The following RAB7A variants were observed in gnomAD, a reference collection of about 807,000 sequenced individuals.
RAB7A encodes the protein RAB7A, member RAS oncogene family.
RAB7A carries 2 observed loss-of-function variants against 24.5 expected under a neutral mutation model. The observed-to-expected ratio is 0.08, with a 90% CI of 0.03 to 0.26. The LOEUF is 0.26. Among genes scored for constraint, RAB7A ranks in the 10% least tolerant of loss-of-function variants. The pLI, the probability that RAB7A is intolerant of heterozygous loss-of-function variation, is 1.00. For missense variants in RAB7A, 118 were observed against 255.7 expected (o/e 0.46, Z 3.67); for synonymous variants, 100 against 95.9 (o/e 1.04, Z -0.25).
At chr3:128,764,568 A>T (rs2070809499) in intron 1 of RAB7A, 4 of 1,377,836 alleles carry the variant, frequency 2.9e-6, no homozygotes, top group Non-Finnish European at 4.1e-6. Flanking sequence ...TCACGTGGTC[A>T]CCCAATTCTT....
chr3:128,737,830 T>G (rs1367593906), intron 1 of RAB7A, among the ~76,000 whole-genome samples: 5 of 69,922 alleles, frequency 7.2e-5, no homozygotes, highest in African/African-American at 3.2e-4. Flanking sequence ...TTGTAGTTTT[T>G]TTTTTTTTTT....
At chr3:128,779,252 A>G (rs1003036490) in intron 1 of RAB7A, among the ~76,000 whole-genome samples, 3 of 152,084 alleles carry the variant, frequency 2.0e-5, no homozygotes, top group Non-Finnish European at 4.4e-5. Context: ...CGTCTCTACT[A>G]AAAATACAAA....
chr3:128,732,545 G>A (rs1461266951), intron 1 of RAB7A, among the ~76,000 whole-genome samples: 1 of 152,100 alleles, frequency 6.6e-6, no homozygotes. Context: ...TCTTGGCCAG[G>A]CATGGTGGTC....
chr3:128,729,748 A>G (rs564857616), intron 1 of RAB7A, among the ~76,000 whole-genome samples: 8 of 152,150 alleles, frequency 5.3e-5, no homozygotes, highest in Admixed American at 6.5e-5. Context: ...TTCCTATGAT[A>G]AAGTATTTAT....
intron 1 of RAB7A, among the ~76,000 whole-genome samples, chr3:128,778,828 T>C (rs1933151323): frequency 6.6e-6 from 1 of 152,162 alleles, no homozygotes; most frequent in African/African-American, 2.4e-5. Context: ...ACCAGAGATG[T>C]ACAGTTTTGG....
chr3:128,728,810 T>C (rs2070406049), intron 1 of RAB7A, among the ~76,000 whole-genome samples: 1 of 152,202 alleles, frequency 6.6e-6, no homozygotes, highest in African/African-American at 2.4e-5. Context: ...TCCATGTCAC[T>C]ACTGTAATTA....
chr3:128,765,126 C>T (rs546064890), intron 1 of RAB7A: 15 of 720,086 alleles, frequency 2.1e-5, no homozygotes, highest in East Asian at 5.4e-5. Flanking sequence ...GGGCTGGCTA[C>T]GGGCGGCCGG....
At chr3:128,730,603 C>T (rs1484992030) in intron 1 of RAB7A, among the ~76,000 whole-genome samples, 3 of 152,078 alleles carry the variant, frequency 2.0e-5, no homozygotes, top group Non-Finnish European at 4.4e-5. Context: ...AGTGATGTGG[C>T]GAGTGAAATC....
intron 1 of RAB7A, among the ~76,000 whole-genome samples, chr3:128,734,775 A>T (rs753543165): frequency 3.9e-5 from 6 of 152,178 alleles, no homozygotes; most frequent in Non-Finnish European, 7.3e-5. Context: ...TGGGCCTTTC[A>T]CCACCAGCCT....
chr3:128,812,037 G>GT (rs1160354042), intron 5 of RAB7A, among the ~76,000 whole-genome samples: 1 of 152,058 alleles, frequency 6.6e-6, no homozygotes, highest in Non-Finnish European at 1.5e-5. Context: ...TGGGCATAGG[G>GT]TTTTTTGGGG....
chr3:128,732,560 C>A (rs1321866494), intron 1 of RAB7A, among the ~76,000 whole-genome samples: 2 of 152,072 alleles, frequency 1.3e-5, no homozygotes, highest in Admixed American at 1.3e-4. Context: ...GTGGTCAGTA[C>A]TTTGGGAGGA....
In RAB7A at chr3:128,756,356, T is replaced by G. The variant is rs142552061; in HGVS notation, c.-9+29997T>G. On this transcript the variant is annotated intron_variant, in intron 1 of 5. Transcript: ENST00000265062. ...CAGCCTGGGCAACAGAGCAAGACTTTGTCTCAAAAAAAAAAAAATTAACAA... is the reference window on the plus strand; with the variant it reads ...CAGCCTGGGCAACAGAGCAAGACTTGGTCTCAAAAAAAAAAAAATTAACAA... 9.2e-4 allele frequency among the ~76,000 whole-genome samples: 138 copies of G among 149,786 alleles called. 1 individual carries two copies. Among genetic ancestry groups the G allele is most frequent in the African/African-American group, 3.3e-3 (131 of 40,218 alleles).
intron 1 of RAB7A, among the ~76,000 whole-genome samples, chr3:128,733,158 G>A (rs1684864189): frequency 1.3e-5 from 2 of 152,212 alleles, no homozygotes; most frequent in African/African-American, 4.8e-5. Context: ...ACGGCTTAGA[G>A]AATTTTTATA....
intron 1 of RAB7A, among the ~76,000 whole-genome samples, chr3:128,773,977 G>A (rs532548787): frequency 4.9e-4 from 73 of 149,808 alleles, no homozygotes; most frequent in African/African-American, 1.6e-3. Flanking sequence ...TAGGAAAACC[G>A]GAGACCTTTG....
At chr3:128,762,428 A>G (rs1441964588) in intron 1 of RAB7A, among the ~76,000 whole-genome samples, 1 of 152,162 alleles carries the variant, frequency 6.6e-6, no homozygotes, top group Non-Finnish European at 1.5e-5. Context: ...TATTCTTTAT[A>G]ATAAAATTCC....
intron 1 of RAB7A, among the ~76,000 whole-genome samples, chr3:128,789,552 C>T (rs866301105): frequency 1.3e-5 from 2 of 151,804 alleles, no homozygotes; most frequent in African/African-American, 4.8e-5. Context: ...AGGCTGGTCT[C>T]GAACTCTTGA....
At chr3:128,780,213 A>T (rs1424848362) in intron 1 of RAB7A, among the ~76,000 whole-genome samples, 2 of 152,234 alleles carry the variant, frequency 1.3e-5, no homozygotes, top group African/African-American at 2.4e-5. Context: ...TATGACCCTG[A>T]TGTTAGAAAT....
At chr3:128,794,115 A>G (rs962560930) in intron 1 of RAB7A, among the ~76,000 whole-genome samples, 1 of 152,146 alleles carries the variant, frequency 6.6e-6, no homozygotes, top group Non-Finnish European at 1.5e-5. Context: ...AGAACAATTG[A>G]CAGCCAAGCA....
intron 1 of RAB7A, among the ~76,000 whole-genome samples, chr3:128,773,002 C>T (rs1024843412): frequency 2.8e-4 from 43 of 152,226 alleles, no homozygotes; most frequent in African/African-American, 7.2e-4. Flanking sequence ...AGCCTCTGCC[C>T]GGCCACCACC....
Sources: gnomAD v4.1 joint callset for allele counts (sites outside exome capture counted in the v4.1 genomes callset) on GRCh38, gnomAD v4.1.1 for gene constraint, MANE v1.5 for transcripts, NCBI Gene and HGNC (gene_info 2026-07-23, HGNC 2026-07-21) for gene names.